The following MYT1L variants were observed in gnomAD, a reference collection of about 807,000 sequenced individuals.
MYT1L encodes the protein myelin transcription factor 1 like, also known as myelin transcription factor 1-like protein.
MYT1L carries 12 observed loss-of-function variants against 126.7 expected under a neutral mutation model. The observed-to-expected ratio is 0.09, with a 90% CI of 0.06 to 0.15. MYT1L has a LOEUF of 0.15. Among genes scored for constraint, MYT1L ranks in the 10% least tolerant of loss-of-function variants. MYT1L has a pLI of 1.00. For synonymous variants in MYT1L, 541 were observed against 604.2 expected (o/e 0.90, Z 1.53); for missense variants, 979 against 1,585.2 (o/e 0.62, Z 6.49).
intron 8 of MYT1L, among the ~76,000 whole-genome samples, chr2:1,959,032 G>A (rs1458943556): frequency 1.3e-5 from 2 of 152,172 alleles, no homozygotes; most frequent in Non-Finnish European, 2.9e-5. Flanking sequence ...AAGAATCGGT[G>A]GGGAGCTTGA....
chr2:2,185,761 G>A (rs2092074189), intron 2 of MYT1L, among the ~76,000 whole-genome samples: 1 of 128,108 alleles, frequency 7.8e-6, no homozygotes, highest in Non-Finnish European at 1.6e-5. Context: ...CCAGACGCCC[G>A]CGTTCCTTAC....
At chr2:2,201,948 G>C (rs1225791752) in intron 2 of MYT1L, among the ~76,000 whole-genome samples, 1 of 152,136 alleles carries the variant, frequency 6.6e-6, no homozygotes, top group African/African-American at 2.4e-5. Flanking sequence ...ATGAAGTATA[G>C]AACTCAGGAT....
chr2:1,814,593 C>A (rs1046826466), intron 21 of MYT1L, among the ~76,000 whole-genome samples: 3 of 152,164 alleles, frequency 2.0e-5, no homozygotes, highest in Admixed American at 6.5e-5. Context: ...CTTTAGGATT[C>A]GGCTTTTGCA....
chr2:2,114,869 A>C (rs1444236893), intron 3 of MYT1L, among the ~76,000 whole-genome samples: 4 of 152,054 alleles, frequency 2.6e-5, no homozygotes, highest in African/African-American at 9.7e-5. Flanking sequence ...AATCACAGTG[A>C]TTTTCACTCA....
chr2:2,133,141 A>C (rs1433653620), intron 3 of MYT1L, among the ~76,000 whole-genome samples: 1 of 152,238 alleles, frequency 6.6e-6, no homozygotes, highest in South Asian at 2.1e-4. Context: ...AAAGGCTCGC[A>C]TGCCAGCATT....
intron 2 of MYT1L, among the ~76,000 whole-genome samples, chr2:2,207,399 C>T (rs62116731): frequency 2.6e-5 from 4 of 151,986 alleles, no homozygotes; most frequent in Non-Finnish European, 4.4e-5. Context: ...AAGACAGAAG[C>T]GTCCAGAAAC....
intron 4 of MYT1L, among the ~76,000 whole-genome samples, chr2:2,012,924 T>C (rs1226360566): frequency 6.6e-6 from 1 of 152,166 alleles, no homozygotes; most frequent in Non-Finnish European, 1.5e-5. Flanking sequence ...CATTAGTTAT[T>C]ATTGTTAACC....
rs1330728570 is a variant in MYT1L, at chr2:1,801,359, AT to A, written c.3276+336del. 4.9e-6 allele frequency: 1 copy of A among 206,154 alleles called. No individual in the cohort carries two copies. Among genetic ancestry groups the A allele is most frequent in the African/African-American group, 2.3e-5 (1 of 43,200 alleles). The allele number at this position is 206,154 out of a possible 1,614,324, so 12.8% of individuals were successfully genotyped here. ...CTGTCGCCATACATTTAATATAGTG[AT>A]TAAATAACAGGAGGACCTGAAGTAT... On this transcript the variant is annotated intron_variant, in intron 23 of 24. Transcript: ENST00000647738. This position sits in a 1 kb window ranked among gnomAD's most constrained non-coding sequence, Gnocchi z 4.2.
chr2:2,267,268 C>T (rs986678429), intron 2 of MYT1L, among the ~76,000 whole-genome samples: 20 of 152,218 alleles, frequency 1.3e-4, no homozygotes, highest in Non-Finnish European at 2.5e-4. Flanking sequence ...TTTGGCCTCG[C>T]AGTCTCCCTT....
chr2:1,911,535 C>T (rs755910332), intron 12 of MYT1L, among the ~76,000 whole-genome samples: 16 of 152,240 alleles, frequency 1.1e-4, no homozygotes, highest in Non-Finnish European at 2.1e-4. Context: ...ATCTATTTCC[C>T]TGGCACCCCA....
At chr2:1,999,794 G>C (rs1040727052) in intron 4 of MYT1L, among the ~76,000 whole-genome samples, 1 of 152,032 alleles carries the variant, frequency 6.6e-6, no homozygotes, top group Admixed American at 6.6e-5. Context: ...AATATCAATG[G>C]AATATTAGTA....
At chr2:2,052,305 T>G (rs1393836071) in intron 4 of MYT1L, among the ~76,000 whole-genome samples, 1 of 152,156 alleles carries the variant, frequency 6.6e-6, no homozygotes, top group East Asian at 1.9e-4. Flanking sequence ...GTTAGCAACT[T>G]AAACACAGAG....
intron 4 of MYT1L, among the ~76,000 whole-genome samples, chr2:2,018,856 G>A (rs926087364): frequency 5.9e-5 from 9 of 152,144 alleles, no homozygotes; most frequent in African/African-American, 1.9e-4. Context: ...GAGTTCCAGA[G>A]AGAGAACGCC....
chr2:1,839,087 C>T, intron 21 of MYT1L, 62 bp downstream of exon 21: 3 of 1,435,838 alleles, frequency 2.1e-6, no homozygotes, highest in Non-Finnish European at 2.8e-6. Flanking sequence ...TCATAACCAG[C>T]CGTGCCAGTC....
chr2:1,927,374 A>G (rs928816347), intron 9 of MYT1L, among the ~76,000 whole-genome samples: 2 of 152,256 alleles, frequency 1.3e-5, no homozygotes, highest in African/African-American at 4.8e-5. Flanking sequence ...AGATTGTTAT[A>G]AACAATTTAT....
At chr2:1,868,571 C>A (rs549545271) in intron 18 of MYT1L, among the ~76,000 whole-genome samples, 1 of 152,196 alleles carries the variant, frequency 6.6e-6, no homozygotes, top group African/African-American at 2.4e-5. Context: ...CCCCTCTCCC[C>A]GGCCCCGAAG....
intron 3 of MYT1L, among the ~76,000 whole-genome samples, chr2:2,086,451 T>C (rs1030436808): frequency 1.1e-4 from 16 of 152,316 alleles, no homozygotes; most frequent in South Asian, 1.0e-3. Context: ...AGTTGAAAAA[T>C]AGGCAGTTAA....
At chr2:1,817,444 T>C (rs2037840663) in intron 21 of MYT1L, among the ~76,000 whole-genome samples, 1 of 152,236 alleles carries the variant, frequency 6.6e-6, no homozygotes, top group South Asian at 2.1e-4. Flanking sequence ...TAAAACTGCC[T>C]GCTGGGAATG....
At chr2:1,886,515 A>G in intron 18 of MYT1L, 24 bp downstream of exon 18, 4 of 1,519,392 alleles carry the variant, frequency 2.6e-6, no homozygotes, top group South Asian at 1.3e-5. Flanking sequence ...TTTTTAAAAG[A>G]GAATTATTGT....
Sources: gnomAD v4.1 joint callset for allele counts (sites outside exome capture counted in the v4.1 genomes callset) on GRCh38, gnomAD v4.1.1 for gene constraint, Gnocchi (gnomAD v3.1) non-coding constraint, MANE v1.5 for transcripts, NCBI Gene and HGNC (gene_info 2026-07-23, HGNC 2026-07-21) for gene names.